The following PTPRN2 variants were observed in gnomAD, a reference collection of about 807,000 sequenced individuals.
The protein encoded by PTPRN2 is receptor-type tyrosine-protein phosphatase N2.
In PTPRN2, 74 loss-of-function variants were observed where a neutral mutation model predicts 118.8. That is an observed-to-expected ratio of 0.62 (90% CI 0.52 to 0.76). The LOEUF is 0.76. Among genes scored for constraint, PTPRN2 ranks in the 30% least tolerant of loss-of-function variants. The pLI is 0.00. For synonymous variants in PTPRN2, 641 were observed against 608.0 expected, an observed-to-expected ratio of 1.05 and a Z score of -0.80; for missense variants, 1,481 against 1,394.4, an observed-to-expected ratio of 1.06 and a Z score of -0.99.
intron 2 of PTPRN2, among the ~76,000 whole-genome samples, chr7:158,326,582 T>C (rs1461334181): frequency 6.6e-6 from 1 of 151,868 alleles, no homozygotes; most frequent in Admixed American, 6.6e-5. Flanking sequence ...ATACACGTCC[T>C]CACACATGCT....
chr7:158,035,479 G>C (rs1016855890), intron 11 of PTPRN2, among the ~76,000 whole-genome samples: 28 of 152,304 alleles, frequency 1.8e-4, no homozygotes, highest in Admixed American at 5.9e-4. Context: ...TGGCAGGCAG[G>C]GGGGTCTGTT....
At position 157,611,035 on chromosome 7, in the gene PTPRN2, C is replaced by T. The variant is rs1802299108; in HGVS notation, c.2345-6960G>A. Among the ~76,000 whole-genome samples, 1 of 152,198 alleles carries T rather than the reference C, an allele frequency of 6.6e-6. No homozygotes were observed. Among genetic ancestry groups the T allele is most frequent in the Non-Finnish European group, 1.5e-5 (1 of 68,034 alleles). On this transcript the variant is annotated intron_variant, in intron 15 of 22. Coordinates refer to ENST00000389418, the MANE Select transcript of PTPRN2 (RefSeq NM_002847.5). The surrounding 1 kb of genome is among the most constrained non-coding windows in gnomAD (Gnocchi z 5.9). The stretch of plus-strand genomic sequence containing the variant: ...ATGGTCATGAAAATGAGACCTGCCC[C>T]ACCCACCACTCAGGAGGCACGCTGC...
chr7:158,010,549 C>T (rs970690225), intron 11 of PTPRN2, among the ~76,000 whole-genome samples: 3 of 152,148 alleles, frequency 2.0e-5, no homozygotes, highest in Admixed American at 6.5e-5. Context: ...TTTAGGCTAA[C>T]AGGCAATGAA....
chr7:157,572,093 A>G (rs906606507), intron 19 of PTPRN2, among the ~76,000 whole-genome samples: 1 of 152,224 alleles, frequency 6.6e-6, no homozygotes, highest in Non-Finnish European at 1.5e-5. Flanking sequence ...CAGAGTTTAG[A>G]TCAGAAGTTG....
chr7:157,928,839 G>C (rs1448792952), intron 11 of PTPRN2, among the ~76,000 whole-genome samples: 2 of 142,460 alleles, frequency 1.4e-5, no homozygotes, highest in African/African-American at 5.4e-5. Context: ...GTGGGAGAGA[G>C]GGCAGTGCAG....
intron 12 of PTPRN2, among the ~76,000 whole-genome samples, chr7:157,745,642 C>T (rs1029990267): frequency 2.6e-5 from 4 of 152,214 alleles, no homozygotes; most frequent in Non-Finnish European, 5.9e-5. Context: ...CCAGCATCTG[C>T]AGGGCAGGCT....
chr7:157,839,112 G>A lies in PTPRN2; in HGVS notation c.1788+59561C>T, dbSNP rs146265487. 3.0e-3 allele frequency among the ~76,000 whole-genome samples: 461 copies of A among 152,374 alleles called. 3 individuals carry two copies. The highest frequency in any genetic ancestry group is 0.01 in the African/African-American group (435 of 41,584). On this transcript the variant is annotated intron_variant, in intron 12 of 22. Coordinates refer to ENST00000389418, the MANE Select transcript of PTPRN2 (RefSeq NM_002847.5). ...GGGTGGCTACAGTGTTCTTGTCTTC[G>A]TGAAGTTGCCTCTGATTCCATCCTC...
At chr7:157,914,241 A>G (rs1487169645) in intron 11 of PTPRN2, among the ~76,000 whole-genome samples, 6 of 152,208 alleles carry the variant, frequency 3.9e-5, no homozygotes, top group African/African-American at 1.4e-4. Flanking sequence ...TTTTTAAACA[A>G]ACAGAGAGAT....
intron 6 of PTPRN2, among the ~76,000 whole-genome samples, chr7:158,139,239 G>A (rs1425550826): frequency 6.6e-6 from 1 of 152,164 alleles, no homozygotes; most frequent in East Asian, 1.9e-4. Flanking sequence ...CATAACCGCG[G>A]AGAGATGTGT....
At chr7:157,993,920 C>T (rs775492760) in intron 11 of PTPRN2, among the ~76,000 whole-genome samples, 2 of 152,128 alleles carry the variant, frequency 1.3e-5, no homozygotes, top group African/African-American at 4.8e-5. Flanking sequence ...GCACTGAGCT[C>T]ACTGGGTCTC....
chr7:158,399,808 A>G (rs1812796144), intron 2 of PTPRN2, among the ~76,000 whole-genome samples: 1 of 152,232 alleles, frequency 6.6e-6, no homozygotes. Flanking sequence ...CACCGGAACC[A>G]TCCCATTCAA....
intron 10 of PTPRN2, among the ~76,000 whole-genome samples, chr7:158,104,753 A>C (rs976727540): frequency 1.4e-5 from 2 of 143,860 alleles, no homozygotes; most frequent in Non-Finnish European, 3.0e-5. Flanking sequence ...CTCCTTCCCA[A>C]CTCCACTCAG....
At chr7:157,645,813 A>G (rs1805033214) in intron 14 of PTPRN2, among the ~76,000 whole-genome samples, 1 of 152,186 alleles carries the variant, frequency 6.6e-6, no homozygotes, top group African/African-American at 2.4e-5. Context: ...CCCCACAATG[A>G]TGCCGAGTGG....
intron 11 of PTPRN2, among the ~76,000 whole-genome samples, chr7:157,950,435 C>A (rs908834210): frequency 6.6e-6 from 1 of 152,084 alleles, no homozygotes; most frequent in Non-Finnish European, 1.5e-5. Context: ...TCCTGTCCTG[C>A]TCTAAAATGT....
At chr7:157,691,363 G>A (rs2150834873) in intron 12 of PTPRN2, among the ~76,000 whole-genome samples, 1 of 152,206 alleles carries the variant, frequency 6.6e-6, no homozygotes, top group Non-Finnish European at 1.5e-5. Flanking sequence ...CGCCACTCTT[G>A]GCAAGAGAAA....
chr7:158,523,526 GCAGAGTCTGCCCTGGAA>G (rs1267558959), intron 1 of PTPRN2, among the ~76,000 whole-genome samples: 108 of 131,898 alleles, frequency 8.2e-4, no homozygotes, highest in African/African-American at 3.1e-3. Context: ...CTGCCCTGGA[GCAGAGTCTGCCCTGGAA>G]TGGAGTCCTC....
chr7:158,072,040 CGTG>C (rs1187039172), intron 11 of PTPRN2, among the ~76,000 whole-genome samples: 7 of 115,102 alleles, frequency 6.1e-5, no homozygotes, highest in African/African-American at 1.7e-4. Flanking sequence ...TGGAGGTGCT[CGTG>C]GTGGTGGAGG....
chr7:158,485,933 C>T (rs750173133), intron 2 of PTPRN2, among the ~76,000 whole-genome samples: 1 of 152,236 alleles, frequency 6.6e-6, no homozygotes, highest in African/African-American at 2.4e-5. Flanking sequence ...CTGCATTTTC[C>T]GACGTTATTA....
intron 1 of PTPRN2, among the ~76,000 whole-genome samples, chr7:158,561,374 CCTT>C (rs1275498497): frequency 6.6e-6 from 1 of 152,154 alleles, no homozygotes; most frequent in Non-Finnish European, 1.5e-5. Flanking sequence ...GTGTGGGGCT[CCTT>C]CTGTAAAGAG....
Sources: gnomAD v4.1 joint callset for allele counts (sites outside exome capture counted in the v4.1 genomes callset) on GRCh38, gnomAD v4.1.1 for gene constraint, Gnocchi (gnomAD v3.1) non-coding constraint, MANE v1.5 for transcripts, NCBI Gene and HGNC (gene_info 2026-07-23, HGNC 2026-07-21) for gene names.